Variants in FBXL17 observed in about 807,000 individuals in gnomAD.
FBXL17 encodes the protein F-box/LRR-repeat protein 17.
Under a neutral mutation model 66.2 loss-of-function variants are expected in FBXL17, and 22 were observed. That is an observed-to-expected ratio of 0.33 (90% CI 0.24 to 0.47). The LOEUF (loss-of-function observed/expected upper bound fraction) is 0.47, where lower values mean the gene tolerates loss of function less well. Among genes scored for constraint, FBXL17 ranks in the 20% least tolerant of loss-of-function variants. The pLI is 1.00. For missense variants in FBXL17, 878 were observed against 948.2 expected, an observed-to-expected ratio of 0.93 and a Z score of 0.97; for synonymous variants, 474 against 400.5, an observed-to-expected ratio of 1.18 and a Z score of -2.19.
intron 4 of FBXL17, among the ~76,000 whole-genome samples, chr5:108,279,822 C>T (rs567505589): frequency 2.0e-5 from 3 of 150,874 alleles, no homozygotes; most frequent in South Asian, 2.1e-4. Context: ...GAAGGAAATA[C>T]AAAATATATT....
At chr5:108,150,019 C>T (rs1210094721) in intron 6 of FBXL17, among the ~76,000 whole-genome samples, 1 of 152,162 alleles carries the variant, frequency 6.6e-6, no homozygotes, top group Non-Finnish European at 1.5e-5. Context: ...ATGAATGTTT[C>T]ACTCAGATTT....
At chr5:108,050,615 T>G (rs892243802) in intron 6 of FBXL17, among the ~76,000 whole-genome samples, 3 of 152,070 alleles carry the variant, frequency 2.0e-5, no homozygotes, top group Non-Finnish European at 4.4e-5. Flanking sequence ...AGATCTCAAA[T>G]AGACACCCTA....
intron 7 of FBXL17, among the ~76,000 whole-genome samples, chr5:108,018,362 C>T (rs985190707): frequency 1.3e-5 from 2 of 152,076 alleles, no homozygotes; most frequent in Non-Finnish European, 2.9e-5. Context: ...CACAGTCTCT[C>T]CAGCAGTGCA....
At chr5:108,183,855 T>C (rs1753113602) in intron 6 of FBXL17, among the ~76,000 whole-genome samples, 1 of 152,196 alleles carries the variant, frequency 6.6e-6, no homozygotes, top group South Asian at 2.1e-4. Flanking sequence ...CTTAGAATAA[T>C]GACCTCCAGT....
At chr5:108,089,301 C>CT (rs1454297023) in intron 6 of FBXL17, among the ~76,000 whole-genome samples, 1 of 152,196 alleles carries the variant, frequency 6.6e-6, no homozygotes, top group African/African-American at 2.4e-5. Flanking sequence ...CTTAATATGG[C>CT]TACAAGGCCA....
chr5:107,938,756 T>C (rs1423557207), intron 7 of FBXL17, among the ~76,000 whole-genome samples: 1 of 152,142 alleles, frequency 6.6e-6, no homozygotes, highest in Admixed American at 6.6e-5. Flanking sequence ...TCCATAAACA[T>C]ATCTTCTAGA....
At chr5:108,186,543 G>A (rs568185485) in intron 5 of FBXL17, among the ~76,000 whole-genome samples, 3 of 152,148 alleles carry the variant, frequency 2.0e-5, no homozygotes, top group South Asian at 2.1e-4. Context: ...AAGCTGAGGC[G>A]GGTGGATCAC....
chr5:108,115,079 C>T (rs952421055), intron 6 of FBXL17, among the ~76,000 whole-genome samples: 9 of 151,988 alleles, frequency 5.9e-5, no homozygotes, highest in African/African-American at 1.2e-4. Context: ...AAATTCAAGA[C>T]GTATTTAAAG....
intron 6 of FBXL17, among the ~76,000 whole-genome samples, chr5:108,117,565 T>A (rs891979368): frequency 1.3e-5 from 2 of 152,182 alleles, no homozygotes; most frequent in African/African-American, 2.4e-5. Flanking sequence ...AGTATGCCTT[T>A]CACGTACAAA....
chr5:108,035,542 T>G (rs566461420), intron 6 of FBXL17, among the ~76,000 whole-genome samples: 2 of 152,186 alleles, frequency 1.3e-5, no homozygotes, highest in South Asian at 4.2e-4. Flanking sequence ...AATTTTTGTA[T>G]TTTTAGTAGA....
Position 108,305,151 on chromosome 5 carries a change from G to A in FBXL17, c.1506+43248C>T, listed in dbSNP as rs141674121. ...GCAGGAAAAAGTAAGTGTATATGGCGTGTTCAGAAAACCACATATGGATTT... is the reference window on the plus strand; with the variant it reads ...GCAGGAAAAAGTAAGTGTATATGGCATGTTCAGAAAACCACATATGGATTT... On this transcript the variant is annotated intron_variant, in intron 4 of 8. Transcript: ENST00000542267. 2.5e-3 allele frequency among the ~76,000 whole-genome samples: 384 copies of A among 152,164 alleles called. 3 individuals carry two copies. The highest frequency in any genetic ancestry group is 8.1e-3 in the African/African-American group (335 of 41,532).
At chr5:107,977,798 T>A (rs910329510) in intron 7 of FBXL17, among the ~76,000 whole-genome samples, 1 of 152,218 alleles carries the variant, frequency 6.6e-6, no homozygotes, top group African/African-American at 2.4e-5. Flanking sequence ...AGTTTGTTCT[T>A]TGAATAAACA....
chr5:108,284,722 A>T (rs1056965869), intron 4 of FBXL17, among the ~76,000 whole-genome samples: 1 of 151,936 alleles, frequency 6.6e-6, no homozygotes, highest in African/African-American at 2.4e-5. Context: ...GTCCTAAAAA[A>T]TGCAAATGAT....
intron 4 of FBXL17, among the ~76,000 whole-genome samples, chr5:108,304,567 C>T (rs1314416068): frequency 6.6e-6 from 1 of 151,758 alleles, no homozygotes. Context: ...AAAATAAATA[C>T]ACCTATTTGC....
intron 6 of FBXL17, among the ~76,000 whole-genome samples, chr5:108,126,659 A>G (rs200728031): frequency 5.1e-4 from 62 of 121,978 alleles, no homozygotes; most frequent in Non-Finnish European, 1.0e-3. Context: ...CTCTATATAT[A>G]TATACATATA....
chr5:108,272,798 A>C (rs1337190977), intron 4 of FBXL17, among the ~76,000 whole-genome samples: 1 of 152,222 alleles, frequency 6.6e-6, no homozygotes, highest in Non-Finnish European at 1.5e-5. Flanking sequence ...TCACATCATG[A>C]ATACAGCTAC....
At chr5:108,085,595 T>C (rs1257966098) in intron 6 of FBXL17, among the ~76,000 whole-genome samples, 1 of 152,178 alleles carries the variant, frequency 6.6e-6, no homozygotes, top group Non-Finnish European at 1.5e-5. Context: ...GCTCAGAACA[T>C]GACACCTCAG....
At chr5:108,146,930 G>A (rs754720378) in intron 6 of FBXL17, among the ~76,000 whole-genome samples, 21 of 152,154 alleles carry the variant, frequency 1.4e-4, no homozygotes, top group Non-Finnish European at 2.8e-4. Flanking sequence ...ATTTCTCACA[G>A]TTCTGGAGGC....
chr5:108,320,168 CCTTTT>C (rs1193017478), intron 4 of FBXL17, among the ~76,000 whole-genome samples: 4 of 151,738 alleles, frequency 2.6e-5, no homozygotes, highest in Non-Finnish European at 4.4e-5. Context: ...CCTTTCCTTA[CCTTTT>C]CTTTTACGCC....
Sources: gnomAD v4.1 joint callset for allele counts (sites outside exome capture counted in the v4.1 genomes callset) on GRCh38, gnomAD v4.1.1 for gene constraint, MANE v1.5 for transcripts, NCBI Gene and HGNC (gene_info 2026-07-23, HGNC 2026-07-21) for gene names.